The following ZBTB5 variants were observed in gnomAD, a reference collection of about 807,000 sequenced individuals.
ZBTB5 encodes zinc finger and BTB domain-containing protein 5.
A neutral mutation model predicts 37.9 loss-of-function variants in ZBTB5; 15 were observed. The ratio of observed to expected loss-of-function variants is 0.40; its 90% CI spans 0.26 to 0.61. ZBTB5 has a LOEUF of 0.61. Among genes scored for constraint, ZBTB5 ranks in the 20% least tolerant of loss-of-function variants. The pLI is 0.47. For missense variants in ZBTB5, 708 were observed against 856.8 expected (o/e 0.83, Z 2.17); for synonymous variants, 315 against 312.4 (o/e 1.01, Z -0.09).
rs762676717 is a variant in ZBTB5, at chr9:37,441,134, G to C, written c.1418C>G (p.Pro473Arg). The C allele has an allele frequency of 1.2e-6, 2 of 1,614,020 alleles. No homozygotes were observed. Among genetic ancestry groups the C allele is most frequent in the Non-Finnish European group, 1.7e-6 (2 of 1,179,976 alleles). The change falls in exon 2 of 2, where the codon CCT becomes CGT. Residue 473 changes from proline (P) to arginine (R), a missense_variant. Transcript: ENST00000307750. ...GSHVENPFSE[P>R]ADSHFVRPMQ... ...AGGCCTGACGAAGTGGGAGTCTGCA[G>C]GTTCACTAAATGGGTTCTCTACATG...
At chr9:37,447,822 T>TA (rs1411163297) in intron 1 of ZBTB5, among the ~76,000 whole-genome samples, 24 of 151,378 alleles carry the variant, frequency 1.6e-4, no homozygotes, top group African/African-American at 4.6e-4. Flanking sequence ...TTTTTTTTTT[T>TA]AGATAAGCAA....
intron 1 of ZBTB5, among the ~76,000 whole-genome samples, chr9:37,460,482 C>T (rs1824273070): frequency 1.3e-5 from 2 of 152,232 alleles, no homozygotes; most frequent in South Asian, 2.1e-4. Context: ...ACCTGTAATC[C>T]CAGTACTTTG....
intron 1 of ZBTB5, among the ~76,000 whole-genome samples, chr9:37,457,018 C>G (rs1389242652): frequency 6.6e-6 from 1 of 152,120 alleles, no homozygotes; most frequent in Non-Finnish European, 1.5e-5. Context: ...TTTTCTAGTT[C>G]CCTAACTAAC....
At position 37,441,630 on chromosome 9, in the gene ZBTB5, T is replaced by C; in HGVS notation, c.922A>G (p.Ser308Gly). The C allele has an allele frequency of 6.2e-7, 1 of 1,613,648 alleles. No individual in the cohort carries two copies. Among genetic ancestry groups the C allele is most frequent in the Non-Finnish European group, 8.5e-7 (1 of 1,179,978 alleles). Reference protein sequence around the residue: ...SFDQEAAPEKSSFQCENPEVG... With the variant: ...SFDQEAAPEKGSFQCENPEVG... ...TCAGGGTTTTCACACTGAAAACTAC[T>C]TTTCTCAGGTGCAGCTTCCTGATCA... Residue 308 changes from serine (S) to glycine (G), a missense_variant, in exon 2 of 2, where the codon AGT becomes GGT. Physicochemically the swap from Ser to Gly is moderately conservative, Grantham distance 56. Transcript: ENST00000307750.
At chr9:37,453,455 C>G (rs1052132708) in intron 1 of ZBTB5, among the ~76,000 whole-genome samples, 1 of 152,162 alleles carries the variant, frequency 6.6e-6, no homozygotes, top group African/African-American at 2.4e-5. Flanking sequence ...GTTGGGATTA[C>G]AGGTGTGAGC....
intron 1 of ZBTB5, among the ~76,000 whole-genome samples, chr9:37,457,922 T>C (rs1173063375): frequency 6.6e-6 from 1 of 152,228 alleles, no homozygotes; most frequent in East Asian, 1.9e-4. Context: ...TTACAAGTCA[T>C]CAGAAAGGTT....
rs908786344 is a variant in ZBTB5 at position 37,440,177 on chromosome 9, TAC to T, written c.*339_*340del. ...CAGAAGGTATAGGAAATTTAAATGC[TAC>T]ACAGTTTTACAAAAATTGCTAAAAA... On this transcript the variant is annotated 3_prime_UTR_variant, in exon 2 of 2. Transcript: ENST00000307750. 20 of 303,388 alleles carry T rather than the reference TAC, an allele frequency of 6.6e-5. No individual in the cohort carries two copies. Among genetic ancestry groups the T allele is most frequent in the Admixed American group, 2.9e-4 (6 of 20,402 alleles). 18.8% of individuals were successfully genotyped at this position (303,388 alleles called of 1,614,324 possible).
chr9:37,465,052 G>C (rs1367449926), intron 1 of ZBTB5, among the ~76,000 whole-genome samples, 163 bp downstream of exon 1: 1 of 152,210 alleles, frequency 6.6e-6, no homozygotes, highest in Non-Finnish European at 1.5e-5. Flanking sequence ...TGGCCCCTTG[G>C]CTCCAACGGT....
intron 1 of ZBTB5, among the ~76,000 whole-genome samples, chr9:37,461,738 A>T (rs1031718727): frequency 2.0e-5 from 3 of 152,336 alleles, no homozygotes; most frequent in Admixed American, 6.5e-5. Flanking sequence ...GTCTCAAAAA[A>T]AAAAGTAAAT....
rs774983831 is a variant in ZBTB5 at position 37,442,164 on chromosome 9, T to TG, written c.387dup (p.Ser130GlnfsTer2). 2 of 1,614,194 alleles carry TG rather than the reference T, an allele frequency of 1.2e-6. No individual in the cohort carries two copies. Among genetic ancestry groups the TG allele is most frequent in the South Asian group, 1.1e-5 (1 of 91,088 alleles). ...GCGCTCTGCTCCTGAACGCGCTCAC[T>TG]GGGGGGAGACATGGGCAGCGTCCTT... On this transcript the variant is annotated frameshift_variant, in exon 2 of 2. Transcript: ENST00000307750. LOFTEE classifies it high-confidence loss of function.
intron 1 of ZBTB5, among the ~76,000 whole-genome samples, chr9:37,450,675 G>A (rs1409507035): frequency 6.6e-6 from 1 of 151,884 alleles, no homozygotes; most frequent in Admixed American, 6.6e-5. Context: ...GACCAGCCTG[G>A]CCAGCATGGT....
intron 1 of ZBTB5, among the ~76,000 whole-genome samples, chr9:37,444,926 G>C (rs1368488682): frequency 1.3e-5 from 2 of 152,138 alleles, no homozygotes; most frequent in Admixed American, 6.5e-5. Flanking sequence ...TCAGACTGGA[G>C]CAGGAAGGAC....
chr9:37,463,145 A>T (rs1185101165), intron 1 of ZBTB5, among the ~76,000 whole-genome samples: 1 of 152,234 alleles, frequency 6.6e-6, no homozygotes, highest in Non-Finnish European at 1.5e-5. Flanking sequence ...GGATCTTGAA[A>T]TTAAAAGCTA....
chr9:37,449,678 G>A (rs993594861), intron 1 of ZBTB5, among the ~76,000 whole-genome samples: 3 of 131,850 alleles, frequency 2.3e-5, no homozygotes, highest in South Asian at 2.4e-4. Context: ...TAGTCTGCGC[G>A]ATAGTATGAG....
At chr9:37,454,183 C>A (rs973328349) in intron 1 of ZBTB5, among the ~76,000 whole-genome samples, 1 of 152,122 alleles carries the variant, frequency 6.6e-6, no homozygotes, top group African/African-American at 2.4e-5. Flanking sequence ...AAATTCAGTT[C>A]ATTTGGGGGA....
chr9:37,441,930 A>G lies in ZBTB5; in HGVS notation c.622T>C (p.Ser208Pro). The change falls in exon 2 of 2, where the codon TCC becomes CCC. Residue 208 changes from serine to proline, a missense_variant. By Grantham distance (74) the Ser-to-Pro change is moderately conservative. Coordinates refer to ENST00000307750, the MANE Select transcript of ZBTB5 (RefSeq NM_014872.3). ...TCTGAAATGGCAGACTCATCTATGG[A>G]GGGTCGGAGGCGCTGCCTGGCCCGC... Reference protein sequence around the residue: ...EERARQRLRPSIDESAISDVT... With the variant: ...EERARQRLRPPIDESAISDVT... 1 of 1,614,030 alleles carries G rather than the reference A, an allele frequency of 6.2e-7. No homozygotes were observed. Among genetic ancestry groups the G allele is most frequent in the African/African-American group, 1.3e-5 (1 of 75,018 alleles).
At chr9:37,445,093 AG>A (rs1483886479) in intron 1 of ZBTB5, among the ~76,000 whole-genome samples, 2 of 151,888 alleles carry the variant, frequency 1.3e-5, no homozygotes, top group Non-Finnish European at 2.9e-5. Context: ...GATTAACTCC[AG>A]GAAAAAAAAA....
intron 1 of ZBTB5, among the ~76,000 whole-genome samples, chr9:37,460,563 A>AT (rs1193923486): frequency 1.3e-5 from 2 of 151,708 alleles, no homozygotes; most frequent in Non-Finnish European, 2.9e-5. Flanking sequence ...CTACAAAAAA[A>AT]TTTTTTTTTA....
intron 1 of ZBTB5, among the ~76,000 whole-genome samples, chr9:37,448,423 A>T (rs1014016043): frequency 4.6e-5 from 7 of 152,228 alleles, no homozygotes; most frequent in Non-Finnish European, 8.8e-5. Flanking sequence ...AGGGGTGCTC[A>T]GAAGATTCTG....
Sources: gnomAD v4.1 joint callset for allele counts (sites outside exome capture counted in the v4.1 genomes callset) on GRCh38, gnomAD v4.1.1 for gene constraint, MANE v1.5 for transcripts, NCBI Gene and HGNC (gene_info 2026-07-23, HGNC 2026-07-21) for gene names.